PCMTD1: variants seen among roughly 807,000 people sequenced by gnomAD.
PCMTD1 encodes the protein protein-L-isoaspartate (D-aspartate) O-methyltransferase domain containing 1, also known as protein-L-isoaspartate O-methyltransferase domain-containing protein 1.
Under a neutral mutation model 37.6 loss-of-function variants are expected in PCMTD1, and 12 were observed. The observed-to-expected ratio is 0.32, with a 90% confidence interval of 0.20 to 0.52. The LOEUF (loss-of-function observed/expected upper bound fraction) is 0.52. Among genes scored for constraint, PCMTD1 ranks in the 20% least tolerant of loss-of-function variants. PCMTD1 has a pLI of 0.97. For missense variants in PCMTD1, 235 were observed against 421.3 expected (o/e 0.56, Z 3.87); for synonymous variants, 117 against 135.8 (o/e 0.86, Z 0.96).
intron 5 of PCMTD1, among the ~76,000 whole-genome samples, chr8:51,830,689 T>C (rs1309203070): frequency 6.6e-6 from 1 of 152,236 alleles, no homozygotes; most frequent in African/African-American, 2.4e-5. Context: ...GATCTGGGAA[T>C]GACCAAAGTT....
At chr8:51,843,201 C>T (rs1056711484) in intron 3 of PCMTD1, among the ~76,000 whole-genome samples, 7 of 151,790 alleles carry the variant, frequency 4.6e-5, no homozygotes, top group Non-Finnish European at 8.8e-5. Context: ...TTGAATCCAG[C>T]CACTCATTAT....
intron 1 of PCMTD1, among the ~76,000 whole-genome samples, chr8:51,866,776 A>C (rs2038561308): frequency 6.6e-6 from 1 of 152,074 alleles, no homozygotes; most frequent in Non-Finnish European, 1.5e-5. Flanking sequence ...AAAATGAACA[A>C]ATGAGACTGT....
rs748522920 is a variant in PCMTD1 at position 51,833,494 on chromosome 8, AAAG to A, written c.582+21_582+23del. The A allele has an allele frequency of 1.5e-4, 239 of 1,579,326 alleles. 2 individuals carry two copies. The South Asian group carries it at 2.7e-3, about 18-fold the overall frequency. On this transcript the variant is annotated intron_variant, in intron 4 of 5. Transcript: ENST00000522514. ...AAATTTGCTTGCTTCCTAGGCCACTAAAGAAAAGGAGAGTGGAAGTTACCTGAT... is the reference window on the plus strand; with the variant it reads ...AAATTTGCTTGCTTCCTAGGCCACTAAAAAGGAGAGTGGAAGTTACCTGAT...
Position 51,895,934 on chromosome 8 carries a change from A to ATTTTTTTTTTTTTTTTTTTTTT in PCMTD1, c.-96+2995_-96+2996insAAAAAAAAAAAAAAAAAAAAAA, listed in dbSNP as rs1563367741. ...CTTTATTAATGTTAGTATTTGTCCCATTTCTTTTTTTTTTTTTTTTTTTTT... is the reference window on the plus strand; with the variant it reads ...CTTTATTAATGTTAGTATTTGTCCCATTTTTTTTTTTTTTTTTTTTTTTTTCTTTTTTTTTTTTTTTTTTTTT... On this transcript the variant is annotated intron_variant, in intron 1 of 5. Transcript: ENST00000522514. 2 of 116,670 alleles carry ATTTTTTTTTTTTTTTTTTTTTT rather than the reference A, an allele frequency of 1.7e-5. 1 individual carries two copies. The allele number at this position is 116,670 out of a possible 1,614,324, so 7.2% of individuals were successfully genotyped here. A position where few individuals can be genotyped will look rare whatever the true frequency, so the allele number is the denominator to read the frequency against.
intron 3 of PCMTD1, among the ~76,000 whole-genome samples, chr8:51,837,656 C>T (rs2038087136): frequency 6.6e-6 from 1 of 152,026 alleles, no homozygotes; most frequent in Non-Finnish European, 1.5e-5. Flanking sequence ...ATCTGTAAAG[C>T]GATTATGGAT....
intron 1 of PCMTD1, among the ~76,000 whole-genome samples, chr8:51,890,886 C>T (rs1429290094): frequency 6.6e-6 from 1 of 152,210 alleles, no homozygotes; most frequent in South Asian, 2.1e-4. Context: ...TCACCAAATA[C>T]ATCTGCCACA....
intron 3 of PCMTD1, among the ~76,000 whole-genome samples, chr8:51,834,226 G>A (rs2038036119): frequency 6.6e-6 from 1 of 152,168 alleles, no homozygotes; most frequent in Admixed American, 6.6e-5. Flanking sequence ...GTTAGGAAGA[G>A]TTTCTAATAA....
intron 1 of PCMTD1, among the ~76,000 whole-genome samples, chr8:51,889,916 G>A (rs1439416840): frequency 6.7e-6 from 1 of 148,820 alleles, no homozygotes; most frequent in Non-Finnish European, 1.5e-5. Flanking sequence ...ATATATTAGT[G>A]TGAAGTGAAT....
At chr8:51,899,148 G>T (rs369269419), upstream of PCMTD1, 2 of 1,350,378 alleles carry the variant, frequency 1.5e-6, no homozygotes, top group Non-Finnish European at 1.9e-6. Flanking sequence ...AGCTCCCCGC[G>T]GACGCCAAAG....
intron 5 of PCMTD1, among the ~76,000 whole-genome samples, chr8:51,826,266 C>T (rs947482484): frequency 6.6e-6 from 1 of 152,120 alleles, no homozygotes; most frequent in South Asian, 2.1e-4. Context: ...ATCACAAGAA[C>T]CAAAAACCAA....
intron 1 of PCMTD1, among the ~76,000 whole-genome samples, chr8:51,862,076 C>T (rs140731720): frequency 2.0e-5 from 3 of 151,950 alleles, no homozygotes; most frequent in African/African-American, 7.2e-5. Context: ...TAGTATAGTA[C>T]AGTATAGTAT....
At chr8:51,821,744 T>TG (rs1168453539) in intron 5 of PCMTD1, among the ~76,000 whole-genome samples, 86 of 150,412 alleles carry the variant, frequency 5.7e-4, no homozygotes, top group South Asian at 2.5e-3. Context: ...GGTTTTGTTT[T>TG]TTTTTTTTTT....
chr8:51,822,948 C>A (rs1363881829), intron 5 of PCMTD1, among the ~76,000 whole-genome samples: 1 of 152,222 alleles, frequency 6.6e-6, no homozygotes, highest in Non-Finnish European at 1.5e-5. Flanking sequence ...TCTCTGTCAA[C>A]ACTGTAATTA....
chr8:51,896,874 G>A (rs868425588), intron 1 of PCMTD1, among the ~76,000 whole-genome samples: 4 of 112,038 alleles, frequency 3.6e-5, no homozygotes, highest in African/African-American at 5.6e-5. Context: ...ATATAAACAC[G>A]CACTATTACA....
chr8:51,823,766 C>A (rs544163603), intron 5 of PCMTD1, among the ~76,000 whole-genome samples: 1 of 152,170 alleles, frequency 6.6e-6, no homozygotes, highest in African/African-American at 2.4e-5. Flanking sequence ...AGGCCAATAT[C>A]CCTGATGAAC....
intron 2 of PCMTD1, among the ~76,000 whole-genome samples, chr8:51,851,445 A>G (rs546301985): frequency 6.6e-6 from 1 of 152,334 alleles, no homozygotes; most frequent in African/African-American, 2.4e-5. Context: ...AGATGTCACG[A>G]TTAGTTCATT....
At chr8:51,865,563 G>A (rs2038542551) in intron 1 of PCMTD1, among the ~76,000 whole-genome samples, 1 of 151,924 alleles carries the variant, frequency 6.6e-6, no homozygotes, top group Non-Finnish European at 1.5e-5. Flanking sequence ...TTAACAGAAT[G>A]AGGACAAAAA....
intron 2 of PCMTD1, among the ~76,000 whole-genome samples, chr8:51,847,308 C>A (rs926453135): frequency 1.3e-5 from 2 of 152,098 alleles, no homozygotes; most frequent in South Asian, 2.1e-4. Flanking sequence ...TTTTAAAAAA[C>A]CAAATAGTTT....
intron 1 of PCMTD1, among the ~76,000 whole-genome samples, chr8:51,872,066 G>C (rs2038647415): frequency 6.6e-6 from 1 of 152,146 alleles, no homozygotes; most frequent in African/African-American, 2.4e-5. Context: ...GTAGATGGTA[G>C]TTCTATGACA....
Sources: allele counts gnomAD v4.1 joint callset (sites outside exome capture counted in the v4.1 genomes callset), GRCh38; gene constraint gnomAD v4.1.1; transcripts MANE v1.5; gene names NCBI Gene and HGNC (gene_info 2026-07-23, HGNC 2026-07-21).